WWOX: variants seen among roughly 807,000 people sequenced by gnomAD.
WWOX encodes WW domain containing oxidoreductase.
WWOX carries 69 observed loss-of-function variants against 46.2 expected under a neutral mutation model. The ratio of observed to expected loss-of-function variants is 1.49; its 90% CI spans 1.23 to 1.82. The LOEUF is 1.82. Ranked by LOEUF, WWOX falls within the 40% of genes most tolerant of loss-of-function variation. WWOX has a pLI of 0.00. For synonymous variants in WWOX, 359 were observed against 202.6 expected (o/e 1.77, Z -6.56); for missense variants, 919 against 542.6 (o/e 1.69, Z -6.89).
chr16:78,099,678 G>C lies in WWOX; in HGVS notation c.-101G>C. On this transcript the variant is annotated 5_prime_UTR_variant, in exon 1 of 9. Transcript: ENST00000566780. Reference sequence around the variant, plus strand: ...CGCAGTGCGCAGGCGTGAGCGGTCGGGCCCCGACGCGCGCGGGTCTCGTTT... The same window carrying C: ...CGCAGTGCGCAGGCGTGAGCGGTCGCGCCCCGACGCGCGCGGGTCTCGTTT... 7.0e-7 allele frequency: 1 copy of C among 1,419,520 alleles called. No individual in the cohort carries two copies. The highest frequency in any genetic ancestry group is 9.3e-7 in the Non-Finnish European group (1 of 1,079,744). The allele number at this position is 1,419,520 out of a possible 1,614,324, so 87.9% of individuals were successfully genotyped here.
At chr16:78,749,753 A>G (rs993996993) in intron 8 of WWOX, among the ~76,000 whole-genome samples, 2 of 152,198 alleles carry the variant, frequency 1.3e-5, no homozygotes, top group Non-Finnish European at 2.9e-5. Context: ...GCCGTATTGG[A>G]TGTTCAAATC....
intron 8 of WWOX, among the ~76,000 whole-genome samples, chr16:78,589,308 G>T (rs1020081017): frequency 6.6e-6 from 1 of 152,226 alleles, no homozygotes. Context: ...AGTCCATTCT[G>T]TATTAGTCCT....
At chr16:78,480,208 T>G (rs1055230493) in intron 8 of WWOX, among the ~76,000 whole-genome samples, 16 of 152,212 alleles carry the variant, frequency 1.1e-4, no homozygotes, top group African/African-American at 3.9e-4. Flanking sequence ...AAATCTTCAG[T>G]AGCCAGATGT....
At chr16:78,603,874 G>C (rs2045682648) in intron 8 of WWOX, among the ~76,000 whole-genome samples, 1 of 152,236 alleles carries the variant, frequency 6.6e-6, no homozygotes, top group East Asian at 1.9e-4. Context: ...TGACATAGTG[G>C]CTCACACCTG....
chr16:78,715,974 G>GTGGTGAGCAAACC (rs2048551792), intron 8 of WWOX, among the ~76,000 whole-genome samples: 1 of 152,012 alleles, frequency 6.6e-6, no homozygotes, highest in South Asian at 2.1e-4. Flanking sequence ...ACCACCAGAG[G>GTGGTGAGCAAACC]TATTACAGAG....
intron 8 of WWOX, among the ~76,000 whole-genome samples, chr16:78,590,145 A>ACTCTCTCTCTCTCT (rs201222690): frequency 4.9e-5 from 1 of 20,296 alleles, no homozygotes; most frequent in Admixed American, 5.7e-4. Context: ...TTAGGCATTC[A>ACTCTCTCTCTCTCT]GTCTCTCTCT....
At chr16:78,597,705 G>A (rs1317049724) in intron 8 of WWOX, among the ~76,000 whole-genome samples, 1 of 151,188 alleles carries the variant, frequency 6.6e-6, no homozygotes, top group African/African-American at 2.4e-5. Flanking sequence ...TATAACATAA[G>A]TTGATAGTCA....
chr16:78,636,511 T>C (rs1199818226), intron 8 of WWOX, among the ~76,000 whole-genome samples: 1 of 152,210 alleles, frequency 6.6e-6, no homozygotes, highest in African/African-American at 2.4e-5. Flanking sequence ...CTATCTTTTT[T>C]TTCCTAATAG....
At chr16:78,183,672 G>A (rs953640319) in intron 5 of WWOX, among the ~76,000 whole-genome samples, 1 of 152,156 alleles carries the variant, frequency 6.6e-6, no homozygotes, top group African/African-American at 2.4e-5. Flanking sequence ...TCACTGAGCC[G>A]AAATCTCCTG....
intron 8 of WWOX, among the ~76,000 whole-genome samples, chr16:79,031,098 A>AC (rs992480276): frequency 5.9e-5 from 9 of 151,524 alleles, no homozygotes; most frequent in African/African-American, 2.2e-4. Flanking sequence ...GTCTCAAAAA[A>AC]AAAAAAAAAA....
chr16:79,097,810 G>A (rs2049108022), intron 8 of WWOX, among the ~76,000 whole-genome samples: 1 of 152,162 alleles, frequency 6.6e-6, no homozygotes, highest in South Asian at 2.1e-4. Flanking sequence ...GGAGATTCAA[G>A]CCTTTTGCCC....
At chr16:78,682,705 C>A (rs150080585) in intron 8 of WWOX, among the ~76,000 whole-genome samples, 2,293 of 152,190 alleles carry the variant, frequency 0.015, 32 homozygotes, top group Non-Finnish European at 0.024. Context: ...AAGATCCCAA[C>A]CCTATTAAAA....
rs1399396129 is a variant in WWOX at position 78,386,787 on chromosome 16, A to G, written c.517-73A>G. ...GGAATTCCGACATGTTCCATAACACATTTACTGTAACTTGATACCATGAAC... is the reference window on the plus strand; with the variant it reads ...GGAATTCCGACATGTTCCATAACACGTTTACTGTAACTTGATACCATGAAC... On this transcript the variant is annotated intron_variant, in intron 5 of 8. Transcript: ENST00000566780. 4 of 1,329,228 alleles carry G rather than the reference A, an allele frequency of 3.0e-6. No individual in the cohort carries two copies. The Admixed American group carries it at 5.1e-5, about 17-fold the overall frequency. The allele number at this position is 1,329,228 out of a possible 1,614,324, so 82.3% of individuals were successfully genotyped here.
At chr16:78,998,485 A>G (rs2047033006) in intron 8 of WWOX, among the ~76,000 whole-genome samples, 1 of 152,212 alleles carries the variant, frequency 6.6e-6, no homozygotes, top group African/African-American at 2.4e-5. Flanking sequence ...ACTAAGAGAA[A>G]TAGAAACAGA....
intron 8 of WWOX, among the ~76,000 whole-genome samples, chr16:78,694,653 A>C (rs1396999797): frequency 6.6e-6 from 1 of 152,224 alleles, no homozygotes; most frequent in African/African-American, 2.4e-5. Flanking sequence ...TAAATACTGG[A>C]AATTACTGAC....
chr16:78,450,201 T>G (rs185012250), intron 8 of WWOX, among the ~76,000 whole-genome samples: 3 of 152,344 alleles, frequency 2.0e-5, no homozygotes, highest in East Asian at 3.9e-4. Flanking sequence ...GCTCTTTTTA[T>G]GCTTCTTCAC....
chr16:78,151,248 A>C (rs2034396272), intron 4 of WWOX, among the ~76,000 whole-genome samples: 1 of 152,032 alleles, frequency 6.6e-6, no homozygotes, highest in South Asian at 2.1e-4. Flanking sequence ...TTATTATATC[A>C]CAATATCACA....
chr16:78,802,780 G>T (rs1227018409), intron 8 of WWOX, among the ~76,000 whole-genome samples: 2 of 151,636 alleles, frequency 1.3e-5, no homozygotes, highest in Admixed American at 6.6e-5. Flanking sequence ...GCCAGGTGTG[G>T]TGGTGGGCGC....
intron 5 of WWOX, among the ~76,000 whole-genome samples, chr16:78,165,857 C>T (rs1567608248): frequency 6.6e-6 from 1 of 152,090 alleles, no homozygotes; most frequent in Non-Finnish European, 1.5e-5. Context: ...GCTCACTGAG[C>T]TTATTATTTT....
Sources: gnomAD v4.1 joint callset for allele counts (sites outside exome capture counted in the v4.1 genomes callset) on GRCh38, gnomAD v4.1.1 for gene constraint, MANE v1.5 for transcripts, NCBI Gene and HGNC (gene_info 2026-07-23, HGNC 2026-07-21) for gene names.